The following ERC2 variants were observed in gnomAD, a reference collection of about 807,000 sequenced individuals.
ERC2 encodes the protein ELKS/RAB6-interacting/CAST family member 2.
ERC2 carries 42 observed loss-of-function variants against 114.8 expected under a neutral mutation model. The observed-to-expected ratio is 0.37, with a 90% CI of 0.29 to 0.47. The LOEUF is 0.47. ERC2 is among the 20% of genes least tolerant of loss of function. ERC2 has a pLI of 0.99. For synonymous variants in ERC2, 454 were observed against 425.5 expected (o/e 1.07, Z -0.82); for missense variants, 939 against 1,150.7 (o/e 0.82, Z 2.66).
In ERC2 at chr3:55,980,429, C is replaced by T. The variant is rs145667535; in HGVS notation, c.2267+5548G>A. ...CTACACAGTGTGGAAATTCCAAGCACCTTCACCCAATATGGAAGAAAGTCC... is the reference window on the plus strand; with the variant it reads ...CTACACAGTGTGGAAATTCCAAGCATCTTCACCCAATATGGAAGAAAGTCC... On this transcript the variant is annotated intron_variant, in intron 12 of 17. Coordinates refer to ENST00000288221, the MANE Select transcript of ERC2 (RefSeq NM_015576.3). Among the ~76,000 whole-genome samples, 916 of 152,238 alleles carry T rather than the reference C, an allele frequency of 6.0e-3. 14 individuals are homozygous for T. The highest frequency in any genetic ancestry group is 0.021 in the African/African-American group (880 of 41,546).
At chr3:55,568,785 C>T (rs2056528743) in intron 17 of ERC2, among the ~76,000 whole-genome samples, 1 of 152,282 alleles carries the variant, frequency 6.6e-6, no homozygotes, top group South Asian at 2.1e-4. Flanking sequence ...TGGTGACTTC[C>T]CTCCTCGTTC....
chr3:55,840,713 G>T (rs1187229955), intron 14 of ERC2, among the ~76,000 whole-genome samples: 1 of 152,030 alleles, frequency 6.6e-6, no homozygotes, highest in Non-Finnish European at 1.5e-5. Flanking sequence ...AAATAGCCCT[G>T]AACCGGAAAC....
chr3:56,368,794 ATCT>A (rs1042492445), intron 2 of ERC2, among the ~76,000 whole-genome samples: 27 of 151,956 alleles, frequency 1.8e-4, no homozygotes, highest in African/African-American at 6.0e-4. Flanking sequence ...CATCTTTATA[ATCT>A]TCTTGTCTAT....
intron 7 of ERC2, among the ~76,000 whole-genome samples, chr3:56,075,143 G>A (rs77950327): frequency 6.7e-6 from 1 of 149,578 alleles, no homozygotes; most frequent in African/African-American, 2.5e-5. Context: ...AGACTTCCCT[G>A]AGTGACATAA....
intron 1 of ERC2, among the ~76,000 whole-genome samples, chr3:56,461,960 A>C (rs1415791199): frequency 6.6e-6 from 1 of 152,230 alleles, no homozygotes; most frequent in East Asian, 1.9e-4. Flanking sequence ...AAGTAACCCC[A>C]ATCTACCCCT....
At chr3:55,832,990 C>T (rs1306702862) in intron 14 of ERC2, among the ~76,000 whole-genome samples, 1 of 151,694 alleles carries the variant, frequency 6.6e-6, no homozygotes, top group African/African-American at 2.4e-5. Context: ...ATGCGATCAA[C>T]TGGAAGAAAG....
chr3:55,627,302 T>C (rs1431797283), intron 17 of ERC2, among the ~76,000 whole-genome samples: 2 of 152,004 alleles, frequency 1.3e-5, no homozygotes, highest in Non-Finnish European at 2.9e-5. Flanking sequence ...ACCCCATCTC[T>C]ACAAAAATAC....
At chr3:55,655,039 G>A (rs969927252) in intron 17 of ERC2, among the ~76,000 whole-genome samples, 2 of 152,148 alleles carry the variant, frequency 1.3e-5, no homozygotes, top group Non-Finnish European at 2.9e-5. Context: ...GGAGTGTGAG[G>A]GTATTGATGC....
intron 17 of ERC2, among the ~76,000 whole-genome samples, chr3:55,551,067 G>C (rs1472214508): frequency 6.6e-6 from 1 of 151,034 alleles, no homozygotes; most frequent in Non-Finnish European, 1.5e-5. Flanking sequence ...CTCTGTGTTA[G>C]CCATGGTTTT....
intron 6 of ERC2, among the ~76,000 whole-genome samples, chr3:56,129,930 A>C (rs540751761): frequency 6.6e-6 from 1 of 152,340 alleles, no homozygotes; most frequent in South Asian, 2.1e-4. Flanking sequence ...ATGAGCTCAA[A>C]AAGAAGGTCC....
chr3:55,883,407 C>T (rs1302968398), intron 14 of ERC2, among the ~76,000 whole-genome samples: 1 of 152,096 alleles, frequency 6.6e-6, no homozygotes, highest in Non-Finnish European at 1.5e-5. Flanking sequence ...AAAAATTAAA[C>T]AGCCTAAGAG....
At chr3:56,295,745 A>G (rs901645386) in intron 3 of ERC2, among the ~76,000 whole-genome samples, 12 of 152,230 alleles carry the variant, frequency 7.9e-5, no homozygotes. Flanking sequence ...CACCTGTGGG[A>G]AAGCAATTGT....
chr3:55,666,055 G>A (rs815476), intron 17 of ERC2, among the ~76,000 whole-genome samples: 23,376 of 152,152 alleles, frequency 0.15, 2,070 homozygotes, highest in African/African-American at 0.25. Context: ...TTCTCATGTA[G>A]AACCTGTAAG....
chr3:55,949,620 A>G (rs1417247817), intron 13 of ERC2, among the ~76,000 whole-genome samples: 1 of 152,240 alleles, frequency 6.6e-6, no homozygotes, highest in Non-Finnish European at 1.5e-5. Flanking sequence ...AAAAAGATGA[A>G]CTATGAGTAC....
chr3:55,797,241 C>A (rs2070590331), intron 14 of ERC2, among the ~76,000 whole-genome samples: 1 of 152,012 alleles, frequency 6.6e-6, no homozygotes. Flanking sequence ...CTAAAACAAA[C>A]AAATAAACAA....
chr3:56,143,091 G>A (rs959608299), intron 5 of ERC2, among the ~76,000 whole-genome samples: 11 of 152,052 alleles, frequency 7.2e-5, no homozygotes, highest in Non-Finnish European at 1.6e-4. Context: ...ATCTTCCCTG[G>A]AGTCCCCTAG....
intron 14 of ERC2, among the ~76,000 whole-genome samples, chr3:55,845,237 G>T (rs1404352578): frequency 6.6e-6 from 1 of 152,168 alleles, no homozygotes; most frequent in Non-Finnish European, 1.5e-5. Flanking sequence ...AGGCGCGGTG[G>T]CTCACGCCTG....
At chr3:55,592,761 A>G (rs1233187909) in intron 17 of ERC2, among the ~76,000 whole-genome samples, 1 of 152,204 alleles carries the variant, frequency 6.6e-6, no homozygotes, top group East Asian at 1.9e-4. Flanking sequence ...ACGTAGTTAA[A>G]TCACAGCAGC....
intron 12 of ERC2, among the ~76,000 whole-genome samples, chr3:55,952,218 T>A (rs1326206373): frequency 1.6e-5 from 2 of 127,126 alleles, no homozygotes; most frequent in African/African-American, 2.8e-5. Flanking sequence ...ATATATATAT[T>A]CTGAACACTT....
Sources: gnomAD v4.1 joint callset for allele counts (sites outside exome capture counted in the v4.1 genomes callset) on GRCh38, gnomAD v4.1.1 for gene constraint, MANE v1.5 for transcripts, NCBI Gene and HGNC (gene_info 2026-07-23, HGNC 2026-07-21) for gene names.